Variants in LRRC4C observed in about 807,000 individuals in gnomAD.
LRRC4C encodes the protein leucine-rich repeat-containing protein 4C.
LRRC4C carries 5 observed loss-of-function variants against 33.6 expected under a neutral mutation model. That is an observed-to-expected ratio of 0.15 (90% CI 0.08 to 0.31). The LOEUF (loss-of-function observed/expected upper bound fraction) is 0.31. Among genes scored for constraint, LRRC4C ranks in the 10% least tolerant of loss-of-function variants. LRRC4C has a pLI of 1.00. For missense variants in LRRC4C, 560 were observed against 796.7 expected (o/e 0.70, Z 3.58); for synonymous variants, 329 against 302.0 (o/e 1.09, Z -0.93).
intron 1 of LRRC4C, among the ~76,000 whole-genome samples, chr11:41,303,976 A>C (rs1241612283): frequency 1.3e-5 from 1 of 75,376 alleles, no homozygotes; most frequent in Non-Finnish European, 3.0e-5. Context: ...CCCGGCAGCC[A>C]CCCCGTCCGG....
chr11:41,107,441 G>A (rs1447283375), intron 1 of LRRC4C, among the ~76,000 whole-genome samples: 1 of 152,052 alleles, frequency 6.6e-6, no homozygotes. Context: ...ATTTTTCATA[G>A]CAAGTGAAAT....
At chr11:41,251,769 G>A (rs1948647041) in intron 1 of LRRC4C, among the ~76,000 whole-genome samples, 1 of 152,064 alleles carries the variant, frequency 6.6e-6, no homozygotes. Context: ...ACACAAAAAT[G>A]AACCACTCTT....
intron 3 of LRRC4C, among the ~76,000 whole-genome samples, chr11:40,520,279 T>G (rs1955754635): frequency 6.6e-6 from 1 of 152,200 alleles, no homozygotes; most frequent in Non-Finnish European, 1.5e-5. Flanking sequence ...TTCTTTGTGT[T>G]CAAAACCTGG....
chr11:40,679,253 T>C (rs1344001824), intron 2 of LRRC4C, among the ~76,000 whole-genome samples: 2 of 152,082 alleles, frequency 1.3e-5, no homozygotes, highest in Non-Finnish European at 2.9e-5. Context: ...ACTTGGGTGC[T>C]GTTAAAGGCA....
intron 4 of LRRC4C, among the ~76,000 whole-genome samples, chr11:40,298,332 A>G (rs1195053419): frequency 1.3e-5 from 2 of 151,576 alleles, no homozygotes; most frequent in Non-Finnish European, 1.5e-5. Flanking sequence ...CTGGTCAGAA[A>G]TTGGTTAAGT....
chr11:40,717,364 T>C (rs1324904947), intron 2 of LRRC4C, among the ~76,000 whole-genome samples: 2 of 151,992 alleles, frequency 1.3e-5, no homozygotes, highest in East Asian at 3.9e-4. Flanking sequence ...TGGAAGTCAG[T>C]CCAAAGTCTT....
At chr11:41,166,779 T>C (rs942885734) in intron 1 of LRRC4C, among the ~76,000 whole-genome samples, 3 of 152,194 alleles carry the variant, frequency 2.0e-5, no homozygotes, top group African/African-American at 4.8e-5. Flanking sequence ...ATTGAATTGA[T>C]TGAATATGGT....
chr11:40,846,020 GTTT>G (rs140994322), intron 2 of LRRC4C, among the ~76,000 whole-genome samples: 4,857 of 142,132 alleles, frequency 0.034, 114 homozygotes, highest in Non-Finnish European at 0.044. Flanking sequence ...ACTTTCTGAT[GTTT>G]TTTTTTTTTT....
chr11:40,742,325 T>C (rs1319451419), intron 2 of LRRC4C, among the ~76,000 whole-genome samples: 1 of 152,006 alleles, frequency 6.6e-6, no homozygotes, highest in East Asian at 1.9e-4. Context: ...ATACAAAACA[T>C]GGCAGATAGG....
chr11:40,340,132 C>T (rs531016506), intron 3 of LRRC4C, among the ~76,000 whole-genome samples: 2 of 152,216 alleles, frequency 1.3e-5, no homozygotes, highest in South Asian at 2.1e-4. Flanking sequence ...TCTTTATCCC[C>T]CTTCCCACAC....
chr11:40,657,634 G>A (rs35298296), intron 2 of LRRC4C, among the ~76,000 whole-genome samples: 25,631 of 152,126 alleles, frequency 0.17, 2,541 homozygotes, highest in Admixed American at 0.26. Flanking sequence ...GAGTCTTCCC[G>A]CCTTTGCTTC....
At chr11:41,182,942 C>T (rs958465956) in intron 1 of LRRC4C, among the ~76,000 whole-genome samples, 6 of 151,756 alleles carry the variant, frequency 4.0e-5, no homozygotes, top group African/African-American at 1.5e-4. Context: ...CAAATCACAT[C>T]TTACATGGAT....
At position 40,968,027 on chromosome 11, in the gene LRRC4C, G is replaced by T. The variant is rs908083276; in HGVS notation, c.-495-34304C>A. On this transcript the variant is annotated intron_variant, in intron 1 of 6. Transcript: ENST00000528697. ...TGAAAGGTCAAAAGCTAGGCCTCTT[G>T]TGCAAAACAGTTAGTCAAGTGGTGA... is the stretch of plus-strand genomic sequence containing the variant. 6.6e-5 allele frequency among the ~76,000 whole-genome samples: 10 copies of T among 152,136 alleles called. No homozygotes were observed. The South Asian group carries it at 1.5e-3, about 22-fold the overall frequency.
At chr11:41,375,314 G>A (rs1439536908) in intron 1 of LRRC4C, among the ~76,000 whole-genome samples, 1 of 151,508 alleles carries the variant, frequency 6.6e-6, no homozygotes, top group African/African-American at 2.4e-5. Context: ...AAATCAGAAA[G>A]TGTGACATAC....
At chr11:41,294,495 T>G (rs1464861761) in intron 1 of LRRC4C, among the ~76,000 whole-genome samples, 1 of 152,178 alleles carries the variant, frequency 6.6e-6, no homozygotes, top group Admixed American at 6.5e-5. Context: ...AATTGAATAA[T>G]CAAATGATTT....
intron 1 of LRRC4C, among the ~76,000 whole-genome samples, chr11:41,067,869 G>A (rs1477051668): frequency 6.6e-6 from 1 of 151,996 alleles, no homozygotes; most frequent in Non-Finnish European, 1.5e-5. Flanking sequence ...AGAACAGAGA[G>A]ACAACGTACT....
intron 2 of LRRC4C, among the ~76,000 whole-genome samples, chr11:40,917,263 G>A (rs1367845077): frequency 2.0e-5 from 3 of 152,084 alleles, no homozygotes; most frequent in Non-Finnish European, 4.4e-5. Context: ...GTAGAAATAT[G>A]CATTTGTGAC....
chr11:40,251,882 G>T (rs1366303534), intron 4 of LRRC4C, among the ~76,000 whole-genome samples: 1 of 152,182 alleles, frequency 6.6e-6, no homozygotes, highest in Non-Finnish European at 1.5e-5. Context: ...CTTTCTGGGT[G>T]CACCTTGGAC....
intron 2 of LRRC4C, among the ~76,000 whole-genome samples, chr11:40,734,869 AT>A (rs142901257): frequency 0.01 from 1,535 of 152,210 alleles, 30 homozygotes; most frequent in African/African-American, 0.034. Flanking sequence ...TCCAGAAGAG[AT>A]TGGCAGGTGA....
Sources: allele counts gnomAD v4.1 joint callset (sites outside exome capture counted in the v4.1 genomes callset), GRCh38; gene constraint gnomAD v4.1.1; transcripts MANE v1.5; gene names NCBI Gene and HGNC (gene_info 2026-07-23, HGNC 2026-07-21).